The following AXIN1 variants were observed in gnomAD, a reference collection of about 807,000 sequenced individuals.
AXIN1 encodes the protein axin-1.
In AXIN1, 30 loss-of-function variants were observed where a neutral mutation model predicts 76.4. That is an observed-to-expected ratio of 0.39 (90% CI 0.29 to 0.53). The LOEUF is 0.53. AXIN1 is among the 20% of genes least tolerant of loss of function. The pLI is 0.66. For synonymous variants in AXIN1, 545 were observed against 501.4 expected (o/e 1.09, Z -1.16); for missense variants, 1,140 against 1,198.8 (o/e 0.95, Z 0.72).
intron 3 of AXIN1, 87 bp from the exon 4 acceptor site, chr16:310,156 G>C (rs528447263): frequency 2.4e-6 from 3 of 1,262,082 alleles, no homozygotes; most frequent in Non-Finnish European, 3.4e-6. Context: ...CCCGACCGCC[G>C]GTCAGCAGGC....
At chr16:352,294 G>A in intron 1 of AXIN1, 75 bp downstream of exon 1, 2 of 881,852 alleles carry the variant, frequency 2.3e-6, no homozygotes, top group Non-Finnish European at 2.7e-6. Context: ...AGCCACCCGC[G>A]CCCCCCGCCG....
At chr16:321,907 A>G (rs1225170105) in intron 2 of AXIN1, among the ~76,000 whole-genome samples, 1 of 152,200 alleles carries the variant, frequency 6.6e-6, no homozygotes, top group East Asian at 1.9e-4. Context: ...TAAAGTTGAA[A>G]AGGCCTAAGT....
intron 2 of AXIN1, among the ~76,000 whole-genome samples, chr16:326,837 G>A (rs192002122): frequency 2.1e-4 from 32 of 151,670 alleles, no homozygotes; most frequent in African/African-American, 6.8e-4. Flanking sequence ...TGCCTGAAGC[G>A]TCAGCCAAGA....
intron 7 of AXIN1, among the ~76,000 whole-genome samples, 178 bp downstream of exon 7, chr16:296,878 C>T (rs1235877908): frequency 1.3e-5 from 2 of 152,026 alleles, no homozygotes; most frequent in Admixed American, 6.5e-5. Flanking sequence ...CTCCTGGAGA[C>T]GTGGGGCCCA....
intron 2 of AXIN1, among the ~76,000 whole-genome samples, chr16:325,986 G>C (rs534453195): frequency 1.3e-5 from 2 of 152,052 alleles, no homozygotes; most frequent in South Asian, 4.2e-4. Context: ...CACCGGCATG[G>C]AGAGGTCTCG....
At chr16:304,467 C>T (rs921014834) in intron 4 of AXIN1, 26 bp from the exon 5 acceptor site, 22 of 1,612,324 alleles carry the variant, frequency 1.4e-5, no homozygotes, top group Middle Eastern at 1.6e-4. Context: ...CTGTGAGGCA[C>T]GGGGGTTGAA....
At chr16:306,667 G>C (rs1161721769) in intron 4 of AXIN1, among the ~76,000 whole-genome samples, 1 of 152,254 alleles carries the variant, frequency 6.6e-6, no homozygotes, top group African/African-American at 2.4e-5. Context: ...GGCTCAGAGA[G>C]AGGCTGGCCC....
intron 5 of AXIN1, chr16:299,169 A>C (rs2052799943): frequency 2.0e-6 from 2 of 985,426 alleles, no homozygotes; most frequent in Non-Finnish European, 2.4e-6. Flanking sequence ...GTGGAGTTTC[A>C]CTTGATTCTC....
chr16:347,523 CAAGT>C (rs1446701139), intron 1 of AXIN1, among the ~76,000 whole-genome samples: 1 of 152,170 alleles, frequency 6.6e-6, no homozygotes, highest in East Asian at 1.9e-4. Flanking sequence ...TGGACCCTCA[CAAGT>C]AAGATGGAGA....
chr16:342,300 G>C lies in AXIN1; in HGVS notation c.878+3848C>G, dbSNP rs182583030. On this transcript the variant is annotated intron_variant, in intron 2 of 10. Transcript: ENST00000262320. ...GTCAGAAGGAACAAACTCCGGACAG[G>C]CCGCCTTTAGGAACTGTAACACTCA... is the stretch of plus-strand genomic sequence containing the variant. Among the ~76,000 whole-genome samples the C allele has an allele frequency of 1.8e-3, 267 of 152,228 alleles. 2 individuals carry two copies. Among genetic ancestry groups the C allele is most frequent in the African/African-American group, 5.8e-3 (241 of 41,514 alleles).
chr16:350,988 A>G (rs947317531), intron 1 of AXIN1, among the ~76,000 whole-genome samples: 2 of 152,168 alleles, frequency 1.3e-5, no homozygotes, highest in East Asian at 3.9e-4. Context: ...AAAATTAGTC[A>G]GGCTTGGTGG....
At chr16:296,993 C>G in intron 7 of AXIN1, 63 bp downstream of exon 7, 3 of 1,558,928 alleles carry the variant, frequency 1.9e-6, no homozygotes, top group Non-Finnish European at 2.6e-6. Context: ...CACACTGAGA[C>G]TGTGCGGAGG....
intron 2 of AXIN1, among the ~76,000 whole-genome samples, chr16:329,272 C>CAAAAAAAAAAAAAAAAAAAAAAAAAAAA: frequency 1.4e-5 from 1 of 71,184 alleles, no homozygotes; most frequent in Non-Finnish European, 2.6e-5. Context: ...GCGAGACTGT[C>CAAAAAAAAAAAAAAAAAAAAAAAAAAAA]AAAAAAAAAA....
intron 2 of AXIN1, among the ~76,000 whole-genome samples, chr16:322,179 C>T (rs967735340): frequency 1.3e-5 from 2 of 152,204 alleles, no homozygotes; most frequent in Admixed American, 1.3e-4. Context: ...AGGCTGGGTG[C>T]TTCTCCCAGG....
At chr16:306,403 C>T (rs936658814) in intron 4 of AXIN1, among the ~76,000 whole-genome samples, 7 of 152,192 alleles carry the variant, frequency 4.6e-5, no homozygotes, top group East Asian at 3.8e-4. Context: ...GTCTAAGCCG[C>T]GGAGGGATGC....
At chr16:290,025 C>T (rs2052509702) in intron 9 of AXIN1, 1 of 277,648 alleles carries the variant, frequency 3.6e-6, no homozygotes, top group Admixed American at 4.9e-5. Context: ...TAAGCCTGAC[C>T]CCGCAGCGAA....
At chr16:288,683 G>A (rs974362003) in intron 10 of AXIN1, among the ~76,000 whole-genome samples, 10 of 152,258 alleles carry the variant, frequency 6.6e-5, no homozygotes, top group Non-Finnish European at 1.2e-4. Flanking sequence ...GGCTCTGCCA[G>A]GCTCTTGGGG....
rs528624460 is a variant in AXIN1 at position 288,446 on chromosome 16, T to TG, written c.2463-199dup. Reference sequence around the variant, plus strand: ...CACATGTGGGTGAAGTGGGCAGCCATGGGGGGTGAGTTCACTGCCTGCTGG... The same window carrying TG: ...CACATGTGGGTGAAGTGGGCAGCCATGGGGGGGTGAGTTCACTGCCTGCTGG... On this transcript the variant is annotated intron_variant, in intron 10 of 10. Coordinates refer to ENST00000262320, the MANE Select transcript of AXIN1 (RefSeq NM_003502.4). 4.8e-4 allele frequency: 372 copies of TG among 778,484 alleles called. 2 individuals are homozygous for TG. The highest frequency in any genetic ancestry group is 4.8e-3 in the South Asian group (287 of 60,316). 48.2% of individuals were successfully genotyped at this position (778,484 alleles called of 1,614,324 possible). A position where few individuals can be genotyped will look rare whatever the true frequency, so the allele number is the denominator to read the frequency against.
chr16:287,957 T>G lies in AXIN1; in HGVS notation c.*165A>C. ...GCAGGACAGAAGCTTGTGGACCACT[T>G]GGAGGGACCCCCTACCTGCCTCTAG... On this transcript the variant is annotated 3_prime_UTR_variant, in exon 11 of 11. Coordinates refer to ENST00000262320, the MANE Select transcript of AXIN1 (RefSeq NM_003502.4). 1 of 1,180,704 alleles carries G rather than the reference T, an allele frequency of 8.5e-7. No homozygotes were observed. The highest frequency in any genetic ancestry group is 1.2e-6 in the Non-Finnish European group (1 of 809,868). 73.1% of individuals were successfully genotyped at this position (1,180,704 alleles called of 1,614,324 possible).
Sources: gnomAD v4.1 joint callset for allele counts (sites outside exome capture counted in the v4.1 genomes callset) on GRCh38, gnomAD v4.1.1 for gene constraint, MANE v1.5 for transcripts, NCBI Gene and HGNC (gene_info 2026-07-23, HGNC 2026-07-21) for gene names.